Variants in LTF observed in about 807,000 individuals in gnomAD.
The protein encoded by LTF is epididymis luminal protein 110.
A neutral mutation model predicts 87.2 loss-of-function variants in LTF; 91 were observed. The observed-to-expected ratio is 1.04, with a 90% confidence interval of 0.88 to 1.24. The LOEUF (loss-of-function observed/expected upper bound fraction) is 1.24, where lower values mean the gene tolerates loss of function less well. Among genes scored for constraint, LTF ranks in the 50% most tolerant of loss-of-function variants. LTF has a pLI of 0.00. For synonymous variants in LTF, 378 were observed against 356.1 expected, an observed-to-expected ratio of 1.06 and a Z score of -0.69; for missense variants, 901 against 904.3, an observed-to-expected ratio of 1.00 and a Z score of 0.05.
At chr3:46,468,654 T>C (rs1396091165), upstream of LTF, among the ~76,000 whole-genome samples, 1 of 152,152 alleles carries the variant, frequency 6.6e-6, no homozygotes, top group Admixed American at 6.5e-5. Context: ...GGGAAGGAAG[T>C]GTGAGATCTG....
rs768689932 is a variant in LTF at position 46,456,334 on chromosome 3, T to C, written c.272A>G (p.Tyr91Cys). The C allele has an allele frequency of 1.2e-6, 2 of 1,614,128 alleles. No individual in the cohort carries two copies. The highest frequency in any genetic ancestry group is 1.1e-5 in the South Asian group (1 of 91,076). Residue 91 changes from tyrosine to cysteine, a missense_variant, in exon 3 of 17, where the codon TAC (tyrosine) becomes TGC (cysteine). Coordinates refer to ENST00000231751, the MANE Select transcript of LTF (RefSeq NM_002343.6). ...TTCCGCCGCTACAGGTCGCAGTTTG[T>C]AGGGGGCCAGGCCTGCCTCGTATAT... ...GFIYEAGLAP[Y>C]KLRPVAAEVY...
chr3:46,482,632 GAA>G, intron 1 of LTF, among the ~76,000 whole-genome samples: 1 of 39,820 alleles, frequency 2.5e-5, no homozygotes, highest in Middle Eastern at 0.013. Flanking sequence ...AAGAAAGAAA[GAA>G]AGAAAGAAAG....
At chr3:46,440,895 A>T (rs910711120) in intron 14 of LTF, among the ~76,000 whole-genome samples, 2 of 152,180 alleles carry the variant, frequency 1.3e-5, no homozygotes, top group African/African-American at 2.4e-5. Flanking sequence ...TGGCTGGAAG[A>T]TTATCTTCCA....
intron 1 of LTF, among the ~76,000 whole-genome samples, chr3:46,480,559 T>C (rs1228951810): frequency 1.3e-5 from 2 of 152,226 alleles, no homozygotes; most frequent in Non-Finnish European, 2.9e-5. Context: ...GGCCTGGCTC[T>C]GGGAATTTCA....
At chr3:46,470,814 G>C (rs1341426977) in intron 1 of LTF, among the ~76,000 whole-genome samples, 1 of 152,216 alleles carries the variant, frequency 6.6e-6, no homozygotes. Context: ...CAACCTATCT[G>C]AGCCTCAGTT....
At chr3:46,471,964 G>A (rs1703295134) in intron 1 of LTF, among the ~76,000 whole-genome samples, 1 of 152,154 alleles carries the variant, frequency 6.6e-6, no homozygotes, top group Non-Finnish European at 1.5e-5. Context: ...TGTCATGTTA[G>A]CCAATTTTGT....
chr3:46,457,333 A>AT (rs147880907), intron 2 of LTF, among the ~76,000 whole-genome samples: 2,515 of 152,282 alleles, frequency 0.017, 67 homozygotes, highest in African/African-American at 0.057. Context: ...GTATTGAATA[A>AT]TTTCCCCCAA....
chr3:46,460,145 C>A (rs1267550081), intron 1 of LTF, among the ~76,000 whole-genome samples: 2 of 152,178 alleles, frequency 1.3e-5, no homozygotes. Context: ...ATTCTTCTAC[C>A]AGCTTTGCCC....
At position 46,439,960 on chromosome 3, in the gene LTF, C is replaced by G. The variant is rs749381256; in HGVS notation, c.1724-480G>C. ...TATGACTCCATTTATATGAAATGTC[C>G]AGAATAGGCCAACCTATGGAGACAG... On this transcript the variant is annotated intron_variant, in intron 14 of 16. Coordinates refer to ENST00000231751, the MANE Select transcript of LTF (RefSeq NM_002343.6). Among the ~76,000 whole-genome samples, 16 of 145,952 alleles carry G rather than the reference C, an allele frequency of 1.1e-4. No homozygotes were observed. The South Asian group carries it at 3.4e-3, about 31-fold the overall frequency.
At position 46,455,324 on chromosome 3, in the gene LTF, T is replaced by C. The variant is rs1443337538; in HGVS notation, c.618A>G (p.Glu206=). ...AGGCACCAGAGTAGCTGAAGTACGG[T>C]TCCTGGGAGGAGAAGGCACATTTGT... is the stretch of plus-strand genomic sequence containing the variant. The part of the protein sequence containing the change: ...GENKCAFSSQ[E]PYFSYSGAFK... The change falls in exon 5 of 17, where the codon GAA becomes GAG. Residue 206 remains glutamate, a synonymous_variant. Transcript: ENST00000231751. The C allele has an allele frequency of 1.2e-6, 2 of 1,614,224 alleles. No individual in the cohort carries two copies. Among genetic ancestry groups the C allele is most frequent in the Admixed American group, 1.7e-5 (1 of 60,036 alleles).
chr3:46,448,926 C>T lies in LTF; in HGVS notation c.1149G>A (p.Leu383=), dbSNP rs1702727413. ...AGGAGCAGGTCACGCTGCCTTCGCT[C>T]AAGCCACTCCACTGGTTACACTTGC... ...ELRKCNQWSG[L]SEGSVTCSSA... Residue 383 remains leucine, a synonymous_variant, in exon 9 of 17, where the codon TTG becomes TTA. Transcript: ENST00000231751. 6.2e-7 allele frequency: 1 copy of T among 1,613,718 alleles called. No individual in the cohort carries two copies. The highest frequency in any genetic ancestry group is 8.5e-7 in the Non-Finnish European group (1 of 1,179,940).
intron 1 of LTF, chr3:46,460,512 T>G: frequency 4.4e-6 from 2 of 450,950 alleles, no homozygotes; most frequent in Admixed American, 4.8e-5. Context: ...TGAGCCTGCT[T>G]TTGTTGCTCA....
chr3:46,466,713 C>T (rs1703220271), upstream of LTF, among the ~76,000 whole-genome samples: 1 of 152,182 alleles, frequency 6.6e-6, no homozygotes, highest in Admixed American at 6.5e-5. Context: ...GATATTGCAC[C>T]ATTTAAAGTT....
intron 16 of LTF, 44 bp from the exon 17 acceptor site, chr3:46,436,273 C>T (rs1702385129): frequency 2.6e-6 from 4 of 1,540,984 alleles, no homozygotes; most frequent in Non-Finnish European, 3.6e-6. Context: ...CTGATTTCTT[C>T]CATTAAACCA....
chr3:46,473,839 T>C (rs545206563), intron 1 of LTF, among the ~76,000 whole-genome samples: 1 of 152,310 alleles, frequency 6.6e-6, no homozygotes, highest in East Asian at 1.9e-4. Flanking sequence ...TATTTACAGA[T>C]TCCAGGAATT....
intron 1 of LTF, among the ~76,000 whole-genome samples, chr3:46,464,000 A>T (rs925650295): frequency 6.6e-6 from 1 of 151,982 alleles, no homozygotes; most frequent in African/African-American, 2.4e-5. Context: ...TGGGCTGGGG[A>T]GGTGTGACAC....
At position 46,445,420 on chromosome 3, in the gene LTF, C is replaced by T. The variant is rs141438156; in HGVS notation, c.1374G>A (p.Ala458=). Residue 458 remains alanine, a synonymous_variant, in exon 12 of 17, where the codon GCG becomes GCA. Transcript: ENST00000231751. ...DRPVEGYLAV[A]VVRRSDTSLT... ...GGCTAGTGTCTGATCTCCTAACCAC[C>T]GCCACAGCAAGATATCCTGGCATAA... 6.1e-5 allele frequency: 99 copies of T among 1,611,986 alleles called. No individual in the cohort carries two copies. The highest frequency in any genetic ancestry group is 4.9e-4 in the Middle Eastern group (3 of 6,066).
chr3:46,441,652 C>G (rs1017672282), intron 13 of LTF, 169 bp from the exon 14 acceptor site: 1 of 581,212 alleles, frequency 1.7e-6, no homozygotes, highest in Middle Eastern at 3.4e-4. Flanking sequence ...ACAGGTGTAC[C>G]TGCCCTCCTT....
chr3:46,449,453 C>A (rs1702742641), intron 8 of LTF, among the ~76,000 whole-genome samples: 1 of 152,142 alleles, frequency 6.6e-6, no homozygotes, highest in African/African-American at 2.4e-5. Flanking sequence ...CTCCCACCCC[C>A]AGCCCCCCAG....
Sources: allele counts gnomAD v4.1 joint callset (sites outside exome capture counted in the v4.1 genomes callset), GRCh38; gene constraint gnomAD v4.1.1; transcripts MANE v1.5; gene names NCBI Gene and HGNC (gene_info 2026-07-23, HGNC 2026-07-21).